KLF8: variants seen among roughly 807,000 people sequenced by gnomAD.
KLF8 encodes the protein KLF transcription factor 8.
KLF8 carries 10 observed loss-of-function variants against 18.2 expected under a neutral mutation model. The observed-to-expected ratio is 0.55, with a 90% CI of 0.34 to 0.93. The LOEUF is 0.93. KLF8 is among the 40% of genes least tolerant of loss of function. The probability of loss-of-function intolerance (pLI) is 0.02; values close to 1 mark genes in which losing one functional copy is unlikely to be tolerated. For synonymous variants in KLF8, 109 were observed against 97.3 expected (o/e 1.12, Z -0.71); for missense variants, 264 against 277.9 (o/e 0.95, Z 0.36).
At chrX:56,224,175 A>G in the KLF8 span, among the ~76,000 whole-genome samples, 2 of 111,556 alleles carry the variant, frequency 1.8e-5, no homozygotes, top group Non-Finnish European at 3.8e-5. Context: ...AGGGAGACCA[A>G]TTAGGAGGTC....
chrX:56,044,253 C>T, the KLF8 span, among the ~76,000 whole-genome samples: 147 of 111,754 alleles, frequency 1.3e-3, 1 homozygote, highest in African/African-American at 4.2e-3. Flanking sequence ...TGGAGGTCCC[C>T]GTTAGGACCT....
the KLF8 span, among the ~76,000 whole-genome samples, chrX:55,943,086 G>A: frequency 9.1e-6 from 1 of 110,485 alleles, no homozygotes; most frequent in African/African-American, 3.3e-5. Context: ...TGAATACAGC[G>A]GCGAGGGAAT....
the KLF8 span, chrX:55,961,366 A>G: frequency 1.3e-5 from 6 of 471,837 alleles, no homozygotes; most frequent in East Asian, 2.6e-4. Context: ...TAAGAGGGAC[A>G]CCGATAGCAA....
At chrX:56,243,291 T>G in intron 1 of KLF8, 5 of 396,239 alleles carry the variant, frequency 1.3e-5, no homozygotes, top group Non-Finnish European at 2.3e-5. Context: ...GTGTGGATCT[T>G]CTTTTTTGTG....
At chrX:56,008,376 G>T in the KLF8 span, among the ~76,000 whole-genome samples, 1 of 110,337 alleles carries the variant, frequency 9.1e-6, no homozygotes, top group South Asian at 4.0e-4. Flanking sequence ...GACCCATGGA[G>T]AATAAGGAAA....
chrX:56,042,196 T>A, the KLF8 span, among the ~76,000 whole-genome samples: 20,608 of 111,443 alleles, frequency 0.18, 1,969 homozygotes, highest in Non-Finnish European at 0.29. Context: ...TTTATGTGAA[T>A]TTCTTTACAT....
chrX:56,037,104 T>A, the KLF8 span, among the ~76,000 whole-genome samples: 1 of 109,065 alleles, frequency 9.2e-6, no homozygotes, highest in East Asian at 2.9e-4. Flanking sequence ...TGCAAACATG[T>A]ACAATTTGAC....
intron 5 of KLF8, among the ~76,000 whole-genome samples, chrX:56,280,353 C>T (rs771130499): frequency 1.8e-5 from 2 of 111,549 alleles, no homozygotes; most frequent in Admixed American, 9.5e-5. Context: ...CCCACCTTAA[C>T]CTCTGGAGTA....
intron 1 of KLF8, among the ~76,000 whole-genome samples, chrX:56,249,604 C>A (rs990056162): frequency 9.0e-6 from 1 of 111,465 alleles, no homozygotes; most frequent in Non-Finnish European, 1.9e-5. Flanking sequence ...AAAAAAAAGG[C>A]CTTGCCAAAG....
At chrX:55,947,424 G>C in the KLF8 span, among the ~76,000 whole-genome samples, 1 of 104,133 alleles carries the variant, frequency 9.6e-6, no homozygotes, top group African/African-American at 3.5e-5. Context: ...ACTCATAGGT[G>C]GGAATTGAAC....
chrX:56,248,740 C>T (rs917021897), intron 1 of KLF8, among the ~76,000 whole-genome samples: 4 of 111,608 alleles, frequency 3.6e-5, no homozygotes, highest in Non-Finnish European at 7.5e-5. Flanking sequence ...TTTCCACCAT[C>T]ACACCTCCTT....
At chrX:56,119,507 G>A in the KLF8 span, among the ~76,000 whole-genome samples, 3 of 110,551 alleles carry the variant, frequency 2.7e-5, no homozygotes, top group South Asian at 3.9e-4. Flanking sequence ...GGGTTCAAGC[G>A]ATTCTCCCGT....
At chrX:55,946,283 CAG>C in the KLF8 span, among the ~76,000 whole-genome samples, 1 of 111,644 alleles carries the variant, frequency 9.0e-6, no homozygotes, top group African/African-American at 3.3e-5. Context: ...GGTACCAAAA[CAG>C]AGATGTAGAT....
chrX:56,038,510 C>T, the KLF8 span, among the ~76,000 whole-genome samples: 1 of 112,233 alleles, frequency 8.9e-6, no homozygotes, highest in East Asian at 2.8e-4. Context: ...AGGATAATGG[C>T]TTCCAACTCC....
chrX:55,940,602 A>T, the KLF8 span, among the ~76,000 whole-genome samples: 2 of 111,915 alleles, frequency 1.8e-5, no homozygotes, highest in African/African-American at 3.2e-5. Context: ...CTGTTTGCAG[A>T]TGACATGATT....
the KLF8 span, among the ~76,000 whole-genome samples, chrX:56,142,966 C>T: frequency 9.8e-5 from 11 of 112,007 alleles, no homozygotes; most frequent in South Asian, 1.1e-3. Flanking sequence ...CCTGGCCTAA[C>T]GTGACACTTT....
At chrX:55,917,366 C>G in the KLF8 span, among the ~76,000 whole-genome samples, 1 of 111,873 alleles carries the variant, frequency 8.9e-6, no homozygotes, top group Non-Finnish European at 1.9e-5. Context: ...ACTTTGGATC[C>G]CCTGTCTCCT....
At chrX:56,156,746 A>C in the KLF8 span, among the ~76,000 whole-genome samples, 4 of 72,951 alleles carry the variant, frequency 5.5e-5, no homozygotes, top group African/African-American at 1.1e-4. Flanking sequence ...ACAACAGGCC[A>C]TGATGTTCCC....
At chrX:56,156,583 C>G in the KLF8 span, among the ~76,000 whole-genome samples, 1 of 106,849 alleles carries the variant, frequency 9.4e-6, no homozygotes, top group African/African-American at 3.4e-5. Context: ...TTTTTTTTTT[C>G]TTTATATACT....
Sources: allele counts gnomAD v4.1 joint callset (sites outside exome capture counted in the v4.1 genomes callset), GRCh38; gene constraint gnomAD v4.1.1; transcripts MANE v1.5; gene names NCBI Gene and HGNC (gene_info 2026-07-23, HGNC 2026-07-21).